The following CIB2 variants were observed in gnomAD, a reference collection of about 807,000 sequenced individuals.
CIB2 encodes calcium and integrin binding family member 2, also known as calcium and integrin-binding family member 2.
CIB2 carries 19 observed loss-of-function variants against 23.1 expected under a neutral mutation model. The observed-to-expected ratio is 0.82, with a 90% CI of 0.57 to 1.21. The LOEUF (loss-of-function observed/expected upper bound fraction) is 1.21, where lower values mean the gene tolerates loss of function less well. Among genes scored for constraint, CIB2 ranks in the 50% most tolerant of loss-of-function variants. CIB2 has a pLI of 0.00. For missense variants in CIB2, 220 were observed against 241.5 expected, an observed-to-expected ratio of 0.91 and a Z score of 0.59; for synonymous variants, 94 against 91.7, an observed-to-expected ratio of 1.03 and a Z score of -0.14.
chr15:78,115,244 G>T (rs753548221), intron 2 of CIB2, among the ~76,000 whole-genome samples: 8 of 152,054 alleles, frequency 5.3e-5, no homozygotes, highest in Non-Finnish European at 1.0e-4. Flanking sequence ...TGAAATTTTA[G>T]AAGTAATTAT....
At chr15:78,130,887 C>G (rs72732570) in intron 1 of CIB2, among the ~76,000 whole-genome samples, 2 of 151,772 alleles carry the variant, frequency 1.3e-5, no homozygotes, top group Non-Finnish European at 2.9e-5. Flanking sequence ...GAATGGGTGG[C>G]TGGAGAGGGG....
intron 2 of CIB2, chr15:78,120,768 A>G: frequency 1.0e-6 from 1 of 984,078 alleles, no homozygotes; most frequent in Non-Finnish European, 1.2e-6. Flanking sequence ...CTGCAAAGAA[A>G]AACCTCCTGC....
At chr15:78,115,855 T>C (rs1241911976) in intron 2 of CIB2, among the ~76,000 whole-genome samples, 2 of 151,902 alleles carry the variant, frequency 1.3e-5, no homozygotes, top group Admixed American at 6.6e-5. Context: ...TTTTTGTATA[T>C]ACTGGGGATA....
At chr15:78,117,695 C>G (rs1312364293) in intron 2 of CIB2, among the ~76,000 whole-genome samples, 3 of 152,240 alleles carry the variant, frequency 2.0e-5, no homozygotes, top group Non-Finnish European at 4.4e-5. Context: ...AAGGCAACAA[C>G]TAGCTGGGGC....
intron 2 of CIB2, 130 bp from the exon 3 acceptor site, chr15:78,111,406 G>A: frequency 3.0e-6 from 2 of 675,022 alleles, no homozygotes; most frequent in Non-Finnish European, 5.0e-6. Context: ...GGGCCAATGG[G>A]AGGCTCTCTG....
At chr15:78,115,193 G>A (rs2074219504) in intron 2 of CIB2, among the ~76,000 whole-genome samples, 1 of 152,102 alleles carries the variant, frequency 6.6e-6, no homozygotes, top group African/African-American at 2.4e-5. Context: ...AAAAGAAGGA[G>A]GCTAACTTTT....
Position 78,131,186 on chromosome 15 carries a change from T to G in CIB2, c.30A>C (p.Glu10Asp). ...TCACCTGGTAGTTGTCTAGCTGCTC[T>G]TCGGTGAAGATGGTCTGCTTGTTCC... MGNKQTIFT[E>D]EQLDNYQDCT... Residue 10 changes from glutamate to aspartate, a missense_variant, in exon 1 of 6, where the codon GAA becomes GAC. Transcript: ENST00000258930. This position sits in a 1 kb window ranked among gnomAD's most constrained non-coding sequence, Gnocchi z 5.8. The G allele has an allele frequency of 6.3e-7, 1 of 1,590,256 alleles. No individual in the cohort carries two copies.
intron 3 of CIB2, 64 bp downstream of exon 3, chr15:78,111,101 G>A: frequency 7.2e-7 from 1 of 1,390,896 alleles, no homozygotes; most frequent in African/African-American, 1.4e-5. Flanking sequence ...CTAGACCTGG[G>A]GGCCTCTGCT....
At position 78,131,216 on chromosome 15, in the gene CIB2, G is replaced by A; in HGVS notation, c.-1C>T. On this transcript the variant is annotated 5_prime_UTR_variant, in exon 1 of 6. Coordinates refer to ENST00000258930, the MANE Select transcript of CIB2 (RefSeq NM_006383.4). This position sits in a 1 kb window ranked among gnomAD's most constrained non-coding sequence, Gnocchi z 5.8. ...TGAAGATGGTCTGCTTGTTCCCCATGGTGGCCGCCGCGCCGCCGCTCGCCC... is the reference window on the plus strand; with the variant it reads ...TGAAGATGGTCTGCTTGTTCCCCATAGTGGCCGCCGCGCCGCCGCTCGCCC... 1 of 1,519,848 alleles carries A rather than the reference G, an allele frequency of 6.6e-7. No homozygotes were observed. 94.1% of individuals were successfully genotyped at this position (1,519,848 alleles called of 1,614,324 possible). A position where few individuals can be genotyped will look rare whatever the true frequency, so the allele number is the denominator to read the frequency against.
At chr15:78,122,980 C>A (rs887882790) in intron 2 of CIB2, among the ~76,000 whole-genome samples, 2 of 152,228 alleles carry the variant, frequency 1.3e-5, no homozygotes, top group African/African-American at 4.8e-5. Flanking sequence ...TTTAGTGCCA[C>A]CCAGGCAGAG....
chr15:78,110,082 C>G (rs1433963280), intron 3 of CIB2, among the ~76,000 whole-genome samples: 1 of 152,212 alleles, frequency 6.6e-6, no homozygotes, highest in Admixed American at 6.5e-5. Flanking sequence ...AGCCATACAG[C>G]CAGTTCAGGC....
Position 78,121,315 on chromosome 15 carries a change from G to C in CIB2, c.86+2390C>G, listed in dbSNP as rs571733381. ...GGGCCTCAGGCTTGGGTTTTGCTCT[G>C]GTGTTGAATTACAGAGCCTAGGGTC... is the stretch of plus-strand genomic sequence containing the variant. On this transcript the variant is annotated intron_variant, in intron 2 of 5. Coordinates refer to ENST00000258930, the MANE Select transcript of CIB2 (RefSeq NM_006383.4). Among the ~76,000 whole-genome samples, 557 of 152,264 alleles carry C rather than the reference G, an allele frequency of 3.7e-3. 7 individuals carry two copies. Among genetic ancestry groups the C allele is most frequent in the Middle Eastern group, 0.014 (4 of 294 alleles).
intron 2 of CIB2, among the ~76,000 whole-genome samples, chr15:78,112,384 C>T (rs1282062235): frequency 6.6e-6 from 1 of 151,898 alleles, no homozygotes; most frequent in Non-Finnish European, 1.5e-5. Context: ...CTAGGCAACA[C>T]AGCAAGACCC....
intron 2 of CIB2, among the ~76,000 whole-genome samples, chr15:78,112,975 C>T (rs562587972): frequency 2.0e-4 from 31 of 152,362 alleles, no homozygotes; most frequent in Admixed American, 1.8e-3. Flanking sequence ...AACTAATCTT[C>T]TCTGTGGATT....
chr15:78,131,128 C>A lies in CIB2; in HGVS notation c.51+37G>T. 6.9e-7 allele frequency: 1 copy of A among 1,453,682 alleles called. No homozygotes were observed. Among genetic ancestry groups the A allele is most frequent in the East Asian group, 3.0e-5 (1 of 33,274 alleles). The allele number at this position is 1,453,682 out of a possible 1,614,324, so 90.0% of individuals were successfully genotyped here. On this transcript the variant is annotated intron_variant, in intron 1 of 5. Transcript: ENST00000258930. The surrounding 1 kb of genome is among the most constrained non-coding windows in gnomAD (Gnocchi z 5.8). Reference sequence around the variant, plus strand: ...AGAAAAGGGAGGGGCGGCGGGGCGGCGGGGCCTGTGTTGGGGGCCGGGCGC... The same window carrying A: ...AGAAAAGGGAGGGGCGGCGGGGCGGAGGGGCCTGTGTTGGGGGCCGGGCGC...
At chr15:78,126,592 G>A (rs1028733079) in intron 1 of CIB2, among the ~76,000 whole-genome samples, 17 of 152,120 alleles carry the variant, frequency 1.1e-4, no homozygotes, top group African/African-American at 3.9e-4. Context: ...CATGTCCTGC[G>A]TCTGCTGTGT....
At position 78,115,250 on chromosome 15, in the gene CIB2, A is replaced by ATTAT. The variant is rs544526687; in HGVS notation, c.87-3978_87-3975dup. 4.3e-3 allele frequency among the ~76,000 whole-genome samples: 652 copies of ATTAT among 152,142 alleles called. 4 individuals are homozygous for ATTAT. Among genetic ancestry groups the ATTAT allele is most frequent in the African/African-American group, 0.015 (616 of 41,466 alleles). On this transcript the variant is annotated intron_variant, in intron 2 of 5. Transcript: ENST00000258930. ...TCAATTATTTGAAATTTTAGAAGTA[A>ATTAT]TTATTTATTTATTTATTTATTTTTT...
chr15:78,108,087 G>A (rs949450467), intron 4 of CIB2, among the ~76,000 whole-genome samples: 15 of 151,206 alleles, frequency 9.9e-5, no homozygotes, highest in Non-Finnish European at 1.6e-4. Context: ...CAGGAGAATC[G>A]TTTGAACTTG....
At chr15:78,110,594 G>A (rs2074142663) in intron 3 of CIB2, 1 of 450,346 alleles carries the variant, frequency 2.2e-6, no homozygotes. Flanking sequence ...TTATGGATAA[G>A]GAACTCATGA....
Sources: allele counts gnomAD v4.1 joint callset (sites outside exome capture counted in the v4.1 genomes callset), GRCh38; gene constraint gnomAD v4.1.1; non-coding constraint Gnocchi (gnomAD v3.1); transcripts MANE v1.5; gene names NCBI Gene and HGNC (gene_info 2026-07-23, HGNC 2026-07-21).